Variants in EEPD1 observed in about 807,000 individuals in gnomAD.
The protein encoded by EEPD1 is endonuclease/exonuclease/phosphatase family domain-containing protein 1.
EEPD1 carries 17 observed loss-of-function variants against 46.3 expected under a neutral mutation model. The ratio of observed to expected loss-of-function variants is 0.37; its 90% CI spans 0.25 to 0.55. The LOEUF (loss-of-function observed/expected upper bound fraction) is 0.55, where lower values mean the gene tolerates loss of function less well. EEPD1 is among the 20% of genes least tolerant of loss of function. The probability of loss-of-function intolerance (pLI) is 0.83; values close to 1 mark genes in which losing one functional copy is unlikely to be tolerated. For missense variants in EEPD1, 673 were observed against 745.6 expected (o/e 0.90, Z 1.13); for synonymous variants, 313 against 315.6 (o/e 0.99, Z 0.09).
At chr7:36,261,333 T>A (rs1359796341) in intron 3 of EEPD1, among the ~76,000 whole-genome samples, 4 of 152,250 alleles carry the variant, frequency 2.6e-5, no homozygotes, top group African/African-American at 9.6e-5. Context: ...GGGCCTCTGC[T>A]TGCCCTTGGG....
chr7:36,248,235 C>T (rs1345290280), intron 3 of EEPD1, among the ~76,000 whole-genome samples: 1 of 150,508 alleles, frequency 6.6e-6, no homozygotes, highest in Non-Finnish European at 1.5e-5. Flanking sequence ...GACAGAGTCT[C>T]ACTCTGTCCC....
chr7:36,208,963 G>C (rs1785873985), intron 2 of EEPD1, among the ~76,000 whole-genome samples: 1 of 152,000 alleles, frequency 6.6e-6, no homozygotes, highest in Admixed American at 6.5e-5. Flanking sequence ...GCTAAAGCTT[G>C]GGAACCTCTC....
intron 2 of EEPD1, among the ~76,000 whole-genome samples, chr7:36,192,138 A>G (rs911575495): frequency 2.6e-5 from 4 of 152,238 alleles, no homozygotes; most frequent in South Asian, 2.1e-4. Context: ...ACCCTTTTCT[A>G]AAAGAGGAGC....
At chr7:36,219,798 A>T (rs879329619) in intron 2 of EEPD1, among the ~76,000 whole-genome samples, 4,036 of 76,562 alleles carry the variant, frequency 0.053, 63 homozygotes, top group Non-Finnish European at 0.075. Flanking sequence ...AGAGAGAGAG[A>T]GAGAGAGAGT....
intron 2 of EEPD1, among the ~76,000 whole-genome samples, chr7:36,190,091 G>A (rs1420190): frequency 0.67 from 101,910 of 152,106 alleles, 35,232 homozygotes; most frequent in East Asian, 0.78. Context: ...CATAGTGAAG[G>A]CTGGGTGTGG....
intron 3 of EEPD1, among the ~76,000 whole-genome samples, chr7:36,276,071 A>G (rs1479764460): frequency 6.6e-6 from 1 of 152,202 alleles, no homozygotes; most frequent in Non-Finnish European, 1.5e-5. Context: ...TTTGAACCAG[A>G]GTGACTCCAT....
intron 2 of EEPD1, among the ~76,000 whole-genome samples, chr7:36,179,144 T>C (rs529982134): frequency 1.2e-4 from 18 of 152,348 alleles, no homozygotes; most frequent in Non-Finnish European, 1.8e-4. Flanking sequence ...AGTGAAGCAA[T>C]GTCCTGGCTT....
chr7:36,156,470 C>G (rs548049091), intron 2 of EEPD1, among the ~76,000 whole-genome samples: 3 of 152,210 alleles, frequency 2.0e-5, no homozygotes, highest in African/African-American at 7.2e-5. Flanking sequence ...TACTCGGCAC[C>G]GGGAGATATT....
intron 2 of EEPD1, among the ~76,000 whole-genome samples, chr7:36,216,064 G>A (rs756464482): frequency 5.3e-5 from 8 of 152,112 alleles, no homozygotes; most frequent in Non-Finnish European, 1.2e-4. Flanking sequence ...CAGCTGGTGG[G>A]CCCCCATATA....
chr7:36,192,076 C>T (rs141235702), intron 2 of EEPD1, among the ~76,000 whole-genome samples: 105 of 152,362 alleles, frequency 6.9e-4, no homozygotes, highest in African/African-American at 2.4e-3. Context: ...TGCACAGGCA[C>T]ACAGAGGCCT....
At chr7:36,275,933 C>T (rs542430690) in intron 3 of EEPD1, among the ~76,000 whole-genome samples, 3 of 152,080 alleles carry the variant, frequency 2.0e-5, no homozygotes, top group Non-Finnish European at 2.9e-5. Flanking sequence ...GATCCACGGC[C>T]GACCCAAGAT....
In EEPD1 at chr7:36,217,955, T is replaced by C. The variant is rs540119934; in HGVS notation, c.879-21030T>C. Among the ~76,000 whole-genome samples the C allele has an allele frequency of 7.9e-5, 12 of 152,378 alleles. No homozygotes were observed. In the East Asian group the frequency reaches 1.3e-3, roughly 17 times the overall value. On this transcript the variant is annotated intron_variant, in intron 2 of 7. Transcript: ENST00000242108. ...TTAGCTAACTTTCTAATTTTCAGTA[T>C]GCTCTGAAAGCAGAAATTTCTTTTT...
At chr7:36,219,345 T>C (rs1331123241) in intron 2 of EEPD1, among the ~76,000 whole-genome samples, 1 of 150,282 alleles carries the variant, frequency 6.7e-6, no homozygotes, top group Non-Finnish European at 1.5e-5. Context: ...AAAAATCAAG[T>C]AACAAGGAAT....
At chr7:36,264,268 G>A (rs1786976575) in intron 3 of EEPD1, among the ~76,000 whole-genome samples, 1 of 152,186 alleles carries the variant, frequency 6.6e-6, no homozygotes. Context: ...CTTCCTTAGA[G>A]TTGCTTCAGG....
In EEPD1 at chr7:36,225,553, G is replaced by A. The variant is rs1213117190; in HGVS notation, c.879-13432G>A. The stretch of plus-strand genomic sequence containing the variant: ...AATAAAGAATAACAACGATAAGAGG[G>A]GGACAAGCATTTCATCCAAACAGAG... On this transcript the variant is annotated intron_variant, in intron 2 of 7. Transcript: ENST00000242108. The surrounding 1 kb of genome is among the most constrained non-coding windows in gnomAD (Gnocchi z 4.2). Among the ~76,000 whole-genome samples the A allele has an allele frequency of 6.6e-6, 1 of 152,068 alleles. No homozygotes were observed. The highest frequency in any genetic ancestry group is 1.5e-5 in the Non-Finnish European group (1 of 68,018).
At chr7:36,287,551 C>T in intron 5 of EEPD1, 88 bp from the exon 6 acceptor site, 2 of 1,529,600 alleles carry the variant, frequency 1.3e-6, no homozygotes, top group Non-Finnish European at 8.8e-7. Flanking sequence ...CAACTCTGTG[C>T]ACAAAGCTAT....
intron 2 of EEPD1, among the ~76,000 whole-genome samples, chr7:36,156,816 T>C (rs1312787535): frequency 6.6e-6 from 1 of 152,182 alleles, no homozygotes; most frequent in Non-Finnish European, 1.5e-5. Context: ...TTGAGAACCA[T>C]TGTACTAGGT....
intron 2 of EEPD1, among the ~76,000 whole-genome samples, chr7:36,226,593 A>T (rs1786235543): frequency 6.6e-6 from 1 of 152,234 alleles, no homozygotes; most frequent in African/African-American, 2.4e-5. Flanking sequence ...GTAGACCCAA[A>T]AGAGTCTCAA....
intron 2 of EEPD1, among the ~76,000 whole-genome samples, chr7:36,228,255 A>G (rs1583820867): frequency 6.6e-6 from 1 of 152,164 alleles, no homozygotes; most frequent in African/African-American, 2.4e-5. Context: ...CAGACTGGGC[A>G]TGGTGGCTAC....
Sources: gnomAD v4.1 joint callset for allele counts (sites outside exome capture counted in the v4.1 genomes callset) on GRCh38, gnomAD v4.1.1 for gene constraint, Gnocchi (gnomAD v3.1) non-coding constraint, MANE v1.5 for transcripts, NCBI Gene and HGNC (gene_info 2026-07-23, HGNC 2026-07-21) for gene names.